The following IL1RAPL2 variants were observed in gnomAD, a reference collection of about 807,000 sequenced individuals.
IL1RAPL2 encodes interleukin 1 receptor accessory protein like 2.
Under a neutral mutation model 44.1 loss-of-function variants are expected in IL1RAPL2, and 3 were observed. The observed-to-expected ratio is 0.07, with a 90% CI of 0.03 to 0.18. The LOEUF is 0.18. IL1RAPL2 is among the 10% of genes least tolerant of loss of function. The pLI is 1.00. For synonymous variants in IL1RAPL2, 181 were observed against 178.8 expected (o/e 1.01, Z -0.10); for missense variants, 391 against 496.4 (o/e 0.79, Z 2.02).
chrX:104,632,801 C>G (rs112878914), intron 1 of IL1RAPL2, among the ~76,000 whole-genome samples: 6,104 of 108,543 alleles, frequency 0.056, 434 homozygotes, highest in African/African-American at 0.19. Context: ...GGGAATTTGA[C>G]TTCCTCTTTT....
At chrX:105,396,978 C>G (rs1004232358) in intron 5 of IL1RAPL2, among the ~76,000 whole-genome samples, 7 of 110,663 alleles carry the variant, frequency 6.3e-5, no homozygotes, top group Non-Finnish European at 9.5e-5. Flanking sequence ...ACTGCCTGAA[C>G]TCTGCCTCCT....
At chrX:104,602,644 G>A (rs911934392) in intron 1 of IL1RAPL2, among the ~76,000 whole-genome samples, 1 of 111,175 alleles carries the variant, frequency 9.0e-6, no homozygotes, top group Non-Finnish European at 1.9e-5. Context: ...GAGCTTGTTC[G>A]GGGGAGGGGA....
At chrX:105,173,818 C>T (rs2033447424) in intron 2 of IL1RAPL2, among the ~76,000 whole-genome samples, 1 of 109,064 alleles carries the variant, frequency 9.2e-6, no homozygotes, top group Non-Finnish European at 1.9e-5. Flanking sequence ...CTGCAACCTC[C>T]GCCGCCCAGG....
chrX:105,443,594 C>A (rs1271309654), intron 5 of IL1RAPL2, among the ~76,000 whole-genome samples: 1 of 112,108 alleles, frequency 8.9e-6, no homozygotes, highest in Admixed American at 9.5e-5. Flanking sequence ...ATGAGTGGAA[C>A]ATATGGTGTT....
intron 2 of IL1RAPL2, among the ~76,000 whole-genome samples, chrX:105,147,218 C>T (rs1198072546): frequency 9.0e-6 from 1 of 111,601 alleles, no homozygotes; most frequent in Non-Finnish European, 1.9e-5. Flanking sequence ...GGAAACCAAA[C>T]ATTCTGTCAC....
At chrX:104,676,821 A>C (rs1253114703) in intron 2 of IL1RAPL2, among the ~76,000 whole-genome samples, 1 of 110,187 alleles carries the variant, frequency 9.1e-6, no homozygotes, top group Admixed American at 9.7e-5. Context: ...TTTTCTCTAA[A>C]CTTCTCTTCT....
intron 1 of IL1RAPL2, among the ~76,000 whole-genome samples, chrX:104,577,468 A>G (rs1928262646): frequency 8.9e-6 from 1 of 111,822 alleles, no homozygotes; most frequent in South Asian, 3.8e-4. Context: ...GATCCATCAC[A>G]GGGACAAAAG....
chrX:105,653,943 TTGTG>T (rs956918547), intron 6 of IL1RAPL2, among the ~76,000 whole-genome samples: 1 of 110,285 alleles, frequency 9.1e-6, no homozygotes, highest in African/African-American at 3.3e-5. Context: ...CAAAGTGTGG[TTGTG>T]TGTGTGTGTC....
At chrX:104,842,391 C>T (rs1007167226) in intron 2 of IL1RAPL2, among the ~76,000 whole-genome samples, 2 of 110,936 alleles carry the variant, frequency 1.8e-5, no homozygotes, top group Non-Finnish European at 3.8e-5. Context: ...CTACTTCTGT[C>T]AATTCGTCAA....
intron 7 of IL1RAPL2, among the ~76,000 whole-genome samples, chrX:105,720,399 A>G (rs1158209615): frequency 1.0e-5 from 1 of 100,053 alleles, no homozygotes; most frequent in East Asian, 3.1e-4. Context: ...ATCTTCTATC[A>G]CTATAAATCA....
intron 1 of IL1RAPL2, among the ~76,000 whole-genome samples, chrX:104,643,849 T>C (rs975815603): frequency 2.4e-4 from 27 of 111,755 alleles, no homozygotes; most frequent in African/African-American, 8.1e-4. Flanking sequence ...TTGCCTCCAA[T>C]TGATTCCTTG....
intron 2 of IL1RAPL2, among the ~76,000 whole-genome samples, chrX:104,708,893 G>A (rs1931405949): frequency 9.0e-6 from 1 of 110,835 alleles, no homozygotes; most frequent in Non-Finnish European, 1.9e-5. Context: ...ATTGGTAGGT[G>A]CTTGGGGAAT....
intron 5 of IL1RAPL2, among the ~76,000 whole-genome samples, chrX:105,419,970 C>T (rs1027169680): frequency 2.7e-5 from 3 of 110,475 alleles, no homozygotes; most frequent in African/African-American, 6.6e-5. Flanking sequence ...GTTACAAATG[C>T]GTATTTGTTA....
At position 104,566,644 on chromosome X, in the gene IL1RAPL2, A is replaced by C. The variant is rs892932447; in HGVS notation, c.-427A>C. ...TCCGAAGCGAAGTCGCGCAAAAGGA[A>C]GAGTCTGGGAGGCAGGCGACTTAGG... On this transcript the variant is annotated 5_prime_UTR_variant, in exon 1 of 11. Transcript: ENST00000372582. 1.8e-5 allele frequency: 2 copies of C among 113,064 alleles called. No individual in the cohort carries two copies. The highest frequency in any genetic ancestry group is 3.7e-5 in the Non-Finnish European group (2 of 53,366). The allele number at this position is 113,064 out of a possible 1,213,427, so 9.3% of individuals were successfully genotyped here. A position where few individuals can be genotyped will look rare whatever the true frequency, so the allele number is the denominator to read the frequency against.
intron 2 of IL1RAPL2, among the ~76,000 whole-genome samples, chrX:104,861,454 G>T (rs1350428567): frequency 9.0e-6 from 1 of 111,144 alleles, no homozygotes; most frequent in Non-Finnish European, 1.9e-5. Context: ...ACTTATGAGG[G>T]TTCAAATTAG....
chrX:104,969,429 G>T (rs1401931146), intron 2 of IL1RAPL2, among the ~76,000 whole-genome samples: 2 of 111,097 alleles, frequency 1.8e-5, no homozygotes, highest in African/African-American at 6.5e-5. Flanking sequence ...CAATATAAAA[G>T]AGACTAACTT....
intron 6 of IL1RAPL2, among the ~76,000 whole-genome samples, chrX:105,597,080 G>A (rs751802743): frequency 1.8e-5 from 2 of 111,680 alleles, no homozygotes; most frequent in Non-Finnish European, 3.8e-5. Flanking sequence ...CTGATAAGAG[G>A]TTGATATCAA....
At chrX:105,699,535 C>T (rs1384874003) in intron 6 of IL1RAPL2, among the ~76,000 whole-genome samples, 1 of 111,584 alleles carries the variant, frequency 9.0e-6, no homozygotes, top group Non-Finnish European at 1.9e-5. Context: ...TAATCTTGGA[C>T]TAGAACCCAG....
chrX:105,274,627 C>T (rs2034472017), intron 5 of IL1RAPL2, among the ~76,000 whole-genome samples: 1 of 112,143 alleles, frequency 8.9e-6, no homozygotes, highest in African/African-American at 3.2e-5. Context: ...GTGTGTTCTC[C>T]TTTGGAACCT....
Sources: gnomAD v4.1 joint callset for allele counts (sites outside exome capture counted in the v4.1 genomes callset) on GRCh38, gnomAD v4.1.1 for gene constraint, MANE v1.5 for transcripts, NCBI Gene and HGNC (gene_info 2026-07-23, HGNC 2026-07-21) for gene names.